NALF1: variants seen among roughly 807,000 people sequenced by gnomAD.
NALF1 encodes the protein family with sequence similarity 155 member A.
NALF1 carries 3 observed loss-of-function variants against 48.4 expected under a neutral mutation model. The ratio of observed to expected loss-of-function variants is 0.06; its 90% CI spans 0.03 to 0.16. The LOEUF (loss-of-function observed/expected upper bound fraction) is 0.16, where lower values mean the gene tolerates loss of function less well. NALF1 is among the 10% of genes least tolerant of loss of function. The pLI, the probability that NALF1 is intolerant of heterozygous loss-of-function variation, is 1.00. For synonymous variants in NALF1, 262 were observed against 245.7 expected (o/e 1.07, Z -0.62); for missense variants, 526 against 571.5 (o/e 0.92, Z 0.81).
intron 1 of NALF1, among the ~76,000 whole-genome samples, chr13:107,858,613 G>A (rs774922115): frequency 2.6e-5 from 4 of 152,158 alleles, no homozygotes; most frequent in Non-Finnish European, 4.4e-5. Context: ...ACTTGAACTG[G>A]GAGACAGAGG....
chr13:107,429,895 G>T lies in NALF1; in HGVS notation c.916-219140C>A, dbSNP rs1884346254. On this transcript the variant is annotated intron_variant, in intron 1 of 2. Coordinates refer to ENST00000375915, the MANE Select transcript of NALF1 (RefSeq NM_001080396.3). ...CATGTACAGTTTTTGAGACAGTATT[G>T]TTTCACAAAGACCTGGAATTTTTCT... Among the ~76,000 whole-genome samples, 3 of 152,082 alleles carry T rather than the reference G, an allele frequency of 2.0e-5. No individual in the cohort carries two copies. The South Asian group carries it at 6.2e-4, about 31-fold the overall frequency.
chr13:107,603,779 G>A lies in NALF1; in HGVS notation c.915+261903C>T, dbSNP rs9555384. Among the ~76,000 whole-genome samples the A allele has an allele frequency of 0.022, 3,362 of 152,252 alleles. 213 individuals are homozygous for A. In the East Asian group the frequency reaches 0.26, roughly 12 times the overall value. Reference sequence around the variant, plus strand: ...TTTCCATCTGTGACTCCAAATGCCAGCAGGATTCTGGTGAATACACTTATC... The same window carrying A: ...TTTCCATCTGTGACTCCAAATGCCAACAGGATTCTGGTGAATACACTTATC... On this transcript the variant is annotated intron_variant, in intron 1 of 2. Transcript: ENST00000375915.
chr13:107,837,935 T>TA (rs74632139), intron 1 of NALF1, among the ~76,000 whole-genome samples: 4,831 of 151,578 alleles, frequency 0.032, 224 homozygotes, highest in East Asian at 0.23. Flanking sequence ...AAAAACACGG[T>TA]AAAAAAACTC....
chr13:107,655,351 A>G (rs1383271634), intron 1 of NALF1, among the ~76,000 whole-genome samples: 1 of 152,074 alleles, frequency 6.6e-6, no homozygotes, highest in Non-Finnish European at 1.5e-5. Context: ...AACACTGTTA[A>G]TCACCAACAG....
At chr13:107,263,531 C>A (rs1466249933) in intron 1 of NALF1, among the ~76,000 whole-genome samples, 1 of 152,092 alleles carries the variant, frequency 6.6e-6, no homozygotes, top group Non-Finnish European at 1.5e-5. Context: ...TGGGAGATAA[C>A]TGAATCATGG....
chr13:107,520,198 T>A (rs1001986991), intron 1 of NALF1, among the ~76,000 whole-genome samples: 1 of 152,128 alleles, frequency 6.6e-6, no homozygotes, highest in African/African-American at 2.4e-5. Context: ...TCTATATGTA[T>A]AAGAAAAAAT....
At chr13:107,643,400 C>G (rs1386629130) in intron 1 of NALF1, among the ~76,000 whole-genome samples, 3 of 152,012 alleles carry the variant, frequency 2.0e-5, no homozygotes, top group Non-Finnish European at 4.4e-5. Context: ...TCTTCCCATT[C>G]AAAACTGGAA....
At chr13:107,589,707 G>T (rs1307730734) in intron 1 of NALF1, among the ~76,000 whole-genome samples, 1 of 151,940 alleles carries the variant, frequency 6.6e-6, no homozygotes, top group African/African-American at 2.4e-5. Context: ...CATGAAATTA[G>T]AATATTTCCA....
At chr13:107,561,433 G>C (rs1302567433) in intron 1 of NALF1, among the ~76,000 whole-genome samples, 1 of 152,150 alleles carries the variant, frequency 6.6e-6, no homozygotes. Context: ...TTAAGTGCAA[G>C]TGTTATGTTC....
chr13:107,683,309 CA>C (rs376727059), intron 1 of NALF1, among the ~76,000 whole-genome samples: 41 of 152,230 alleles, frequency 2.7e-4, no homozygotes, highest in African/African-American at 9.4e-4. Flanking sequence ...CATAAGAAAG[CA>C]TAATTTTATT....
chr13:107,630,236 T>C (rs1879798306), intron 1 of NALF1, among the ~76,000 whole-genome samples: 1 of 152,168 alleles, frequency 6.6e-6, no homozygotes, highest in South Asian at 2.1e-4. Flanking sequence ...TACTTGAAAC[T>C]TTGCTATCTG....
intron 1 of NALF1, among the ~76,000 whole-genome samples, chr13:107,732,067 A>G (rs1876325091): frequency 6.6e-6 from 1 of 151,992 alleles, no homozygotes; most frequent in Non-Finnish European, 1.5e-5. Flanking sequence ...CTTCTCACAT[A>G]TTATCACCCT....
intron 1 of NALF1, among the ~76,000 whole-genome samples, chr13:107,793,302 T>A (rs919727687): frequency 2.6e-5 from 4 of 152,210 alleles, no homozygotes; most frequent in African/African-American, 9.6e-5. Flanking sequence ...ATATCTTATG[T>A]GTTGATAAGC....
intron 1 of NALF1, among the ~76,000 whole-genome samples, chr13:107,413,824 T>C (rs1884036572): frequency 6.6e-6 from 1 of 152,204 alleles, no homozygotes; most frequent in Non-Finnish European, 1.5e-5. Flanking sequence ...TCTCTCTCTG[T>C]TGCCCAGGCT....
At chr13:107,469,300 C>T (rs921947806) in intron 1 of NALF1, among the ~76,000 whole-genome samples, 15 of 152,212 alleles carry the variant, frequency 9.9e-5, no homozygotes, top group African/African-American at 3.6e-4. Context: ...ACAGATGATA[C>T]TTCTCATACG....
chr13:107,782,266 G>A (rs897613372), intron 1 of NALF1, among the ~76,000 whole-genome samples: 7 of 152,228 alleles, frequency 4.6e-5, no homozygotes, highest in African/African-American at 1.4e-4. Flanking sequence ...TGTTGGCAGG[G>A]CTGGCTTCCA....
At chr13:107,355,958 G>A (rs1282273351) in intron 1 of NALF1, among the ~76,000 whole-genome samples, 1 of 152,102 alleles carries the variant, frequency 6.6e-6, no homozygotes, top group Non-Finnish European at 1.5e-5. Context: ...AAAGGTTCTG[G>A]CCCCTAAAAA....
chr13:107,349,129 T>C (rs1404892003), intron 1 of NALF1, among the ~76,000 whole-genome samples: 1 of 152,246 alleles, frequency 6.6e-6, no homozygotes, highest in Non-Finnish European at 1.5e-5. Context: ...TAGGATTTCC[T>C]GGGGACATTC....
intron 1 of NALF1, among the ~76,000 whole-genome samples, chr13:107,760,073 G>A (rs1877223156): frequency 6.6e-6 from 1 of 152,182 alleles, no homozygotes; most frequent in Admixed American, 6.5e-5. Flanking sequence ...GGAATATAAA[G>A]TGAATGCAAT....
Sources: gnomAD v4.1 joint callset for allele counts (sites outside exome capture counted in the v4.1 genomes callset) on GRCh38, gnomAD v4.1.1 for gene constraint, MANE v1.5 for transcripts, NCBI Gene and HGNC (gene_info 2026-07-23, HGNC 2026-07-21) for gene names.